STAT1: variants seen among roughly 807,000 people sequenced by gnomAD.
STAT1 encodes the protein signal transducer and activator of transcription 1-alpha/beta.
A neutral mutation model predicts 111.7 loss-of-function variants in STAT1; 24 were observed. That is an observed-to-expected ratio of 0.21 (90% CI 0.16 to 0.30). STAT1 has a LOEUF of 0.30. Ranked by LOEUF, STAT1 falls within the 10% of genes least tolerant of loss-of-function variation. The pLI, the probability that STAT1 is intolerant of heterozygous loss-of-function variation, is 1.00. For missense variants in STAT1, 351 were observed against 911.9 expected (o/e 0.38, Z 7.92); for synonymous variants, 332 against 326.5 (o/e 1.02, Z -0.18).
At position 190,981,200 on chromosome 2, in the gene STAT1, GC is replaced by G. The variant is rs1479181375; in HGVS notation, c.1583-532del. 1.3e-5 allele frequency among the ~76,000 whole-genome samples: 2 copies of G among 152,098 alleles called. No homozygotes were observed. Among genetic ancestry groups the G allele is most frequent in the Non-Finnish European group, 2.9e-5 (2 of 68,034 alleles). ...CTGCCTTCCTCTGCTGCTCAGCAGA[GC>G]CCCCTCTCCCAAGGATCCTACAGAA... On this transcript the variant is annotated intron_variant, in intron 18 of 24. Transcript: ENST00000361099. This position sits in a 1 kb window ranked among gnomAD's most constrained non-coding sequence, Gnocchi z 4.1.
chr2:190,993,305 A>G lies in STAT1; in HGVS notation c.944+1756T>C, dbSNP rs1693535485. 2 of 684,724 alleles carry G rather than the reference A, an allele frequency of 2.9e-6. No homozygotes were observed. Among genetic ancestry groups the G allele is most frequent in the Admixed American group, 4.2e-5 (2 of 47,880 alleles). The allele number at this position is 684,724 out of a possible 1,614,324, so 42.4% of individuals were successfully genotyped here. ...CTGATCTGTCACATCATACACCACTAGGATGCCATTGGCTCCTCTGTAATA... is the reference window on the plus strand; with the variant it reads ...CTGATCTGTCACATCATACACCACTGGGATGCCATTGGCTCCTCTGTAATA... On this transcript the variant is annotated intron_variant, in intron 10 of 24. Transcript: ENST00000361099. The surrounding 1 kb of genome is among the most constrained non-coding windows in gnomAD (Gnocchi z 4.1).
In STAT1 at chr2:190,976,940, G is replaced by A; in HGVS notation, c.1959C>T (p.Val653=). The A allele has an allele frequency of 6.2e-7, 1 of 1,614,148 alleles. No individual in the cohort carries two copies. Among genetic ancestry groups the A allele is most frequent in the Non-Finnish European group, 8.5e-7 (1 of 1,179,986 alleles). Residue 653 remains valine (V), a synonymous_variant, in exon 22 of 25, where the codon GTC becomes GTT. Transcript: ENST00000361099. The surrounding 1 kb of genome is among the most constrained non-coding windows in gnomAD (Gnocchi z 6.0). Reference sequence around the variant, plus strand: ...TCTCAGGAATATTCTCAGCAGCCATGACTTTGTAATTGCGAATGATGTCAG... The same window carrying A: ...TCTCAGGAATATTCTCAGCAGCCATAACTTTGTAATTGCGAATGATGTCAG... The part of the protein sequence containing the change: ...TFPDIIRNYK[V]MAAENIPENP...
Position 190,987,171 on chromosome 2 carries a change from G to A in STAT1, c.1098-103C>T, listed in dbSNP as rs2066795. 0.14 allele frequency: 122,920 copies of A among 887,266 alleles called. 10,036 individuals are homozygous for A. Among genetic ancestry groups the A allele is most frequent in the African/African-American group, 0.29 (16,796 of 58,924 alleles). The allele number at this position is 887,266 out of a possible 1,614,324, so 55.0% of individuals were successfully genotyped here. On this transcript the variant is annotated intron_variant, in intron 12 of 24. Coordinates refer to ENST00000361099, the MANE Select transcript of STAT1 (RefSeq NM_007315.4). The surrounding 1 kb of genome is among the most constrained non-coding windows in gnomAD (Gnocchi z 4.0). ...GAGCATAAGAGTGTAAGTGAATGAT[G>A]AATAAAAAATAAATCTACACCTATG...
At chr2:191,001,452 C>T (rs539908885) in intron 5 of STAT1, among the ~76,000 whole-genome samples, 10 of 152,164 alleles carry the variant, frequency 6.6e-5, no homozygotes, top group African/African-American at 1.7e-4. Flanking sequence ...ATTTAGTTCA[C>T]GGTTTCTCAG....
Position 190,990,412 on chromosome 2 carries a change from T to G in STAT1, c.1038-738A>C, listed in dbSNP as rs1334949911. Among the ~76,000 whole-genome samples the G allele has an allele frequency of 2.6e-5, 4 of 152,208 alleles. No individual in the cohort carries two copies. Among genetic ancestry groups the G allele is most frequent in the Admixed American group, 2.6e-4 (4 of 15,280 alleles). ...GACCCGGGCCAACTATGAAGGCCAGTCCAGTTCTTCAGCGTCTAGCTACTC... is the reference window on the plus strand; with the variant it reads ...GACCCGGGCCAACTATGAAGGCCAGGCCAGTTCTTCAGCGTCTAGCTACTC... On this transcript the variant is annotated intron_variant, in intron 11 of 24. Transcript: ENST00000361099. The surrounding 1 kb of genome is among the most constrained non-coding windows in gnomAD (Gnocchi z 5.1).
rs371013020 is a variant in STAT1 at position 190,995,013 on chromosome 2, C to T, written c.944+48G>A. 4.6e-5 allele frequency: 73 copies of T among 1,582,116 alleles called. No individual in the cohort carries two copies. The highest frequency in any genetic ancestry group is 1.0e-4 in the Admixed American group (6 of 59,604). On this transcript the variant is annotated intron_variant, in intron 10 of 24. Transcript: ENST00000361099. This position sits in a 1 kb window ranked among gnomAD's most constrained non-coding sequence, Gnocchi z 4.2. The stretch of plus-strand genomic sequence containing the variant: ...TCTGAATTAACGGTAAAATGTTCCT[C>T]TGTATAGACCGATTACAGAAGGTAC...
intron 5 of STAT1, among the ~76,000 whole-genome samples, chr2:191,005,143 G>C (rs1337316628): frequency 6.6e-6 from 1 of 152,146 alleles, no homozygotes; most frequent in Non-Finnish European, 1.5e-5. Flanking sequence ...AACTAACTCG[G>C]AATTTTGCAT....
At chr2:190,994,939 T>TAA (rs1693728426) in intron 10 of STAT1, 122 bp downstream of exon 10, 2 of 189,190 alleles carry the variant, frequency 1.1e-5, no homozygotes, top group African/African-American at 6.6e-5. Context: ...TATATATATA[T>TAA]ATATATATAT....
chr2:191,008,072 T>A (rs1694840483), intron 4 of STAT1: 1 of 440,994 alleles, frequency 2.3e-6, no homozygotes, highest in South Asian at 1.6e-5. Flanking sequence ...AAGATATTCA[T>A]CTAGGGTTTT....
At chr2:190,992,755 T>A in intron 10 of STAT1, 2 of 794,832 alleles carry the variant, frequency 2.5e-6, no homozygotes, top group Non-Finnish European at 3.7e-6. Flanking sequence ...TCAGCTGCCA[T>A]CATCATGGAA....
Position 190,987,026 on chromosome 2 carries a change from G to A in STAT1, c.1127+13C>T, listed in dbSNP as rs1379860360. 2 of 1,611,148 alleles carry A rather than the reference G, an allele frequency of 1.2e-6. No individual in the cohort carries two copies. The highest frequency in any genetic ancestry group is 1.7e-6 in the Non-Finnish European group (2 of 1,177,592). Reference sequence around the variant, plus strand: ...AAAATATAGCACAGTATAGCGTAAAGTACGTCACGTACCCTTTTACTGTAT... The same window carrying A: ...AAAATATAGCACAGTATAGCGTAAAATACGTCACGTACCCTTTTACTGTAT... On this transcript the variant is annotated intron_variant, in intron 13 of 24. Transcript: ENST00000361099. This position sits in a 1 kb window ranked among gnomAD's most constrained non-coding sequence, Gnocchi z 4.0.
In STAT1 at chr2:190,984,238, A is replaced by G; in HGVS notation, c.1347+72T>C. On this transcript the variant is annotated intron_variant, in intron 16 of 24. Transcript: ENST00000361099. The surrounding 1 kb of genome is among the most constrained non-coding windows in gnomAD (Gnocchi z 5.2). Reference sequence around the variant, plus strand: ...AAATACCTCCAGAACAAACACTGAGAAATAAAAATACATGTAACAATTAAA... The same window carrying G: ...AAATACCTCCAGAACAAACACTGAGGAATAAAAATACATGTAACAATTAAA... 7.9e-7 allele frequency: 1 copy of G among 1,258,866 alleles called. No homozygotes were observed. The highest frequency in any genetic ancestry group is 1.2e-6 in the Non-Finnish European group (1 of 863,938). 78.0% of individuals were successfully genotyped at this position (1,258,866 alleles called of 1,614,324 possible). A position where few individuals can be genotyped will look rare whatever the true frequency, so the allele number is the denominator to read the frequency against.
chr2:191,000,870 A>C lies in STAT1; in HGVS notation c.462+204T>G, dbSNP rs1694215596. Among the ~76,000 whole-genome samples the C allele has an allele frequency of 6.6e-6, 1 of 152,216 alleles. No homozygotes were observed. Reference sequence around the variant, plus strand: ...GAAAAAGCTAAACTCAATGTTTGGCAGTTATAAGAGGCCATTCAAAAAGTC... The same window carrying C: ...GAAAAAGCTAAACTCAATGTTTGGCCGTTATAAGAGGCCATTCAAAAAGTC... On this transcript the variant is annotated intron_variant, in intron 6 of 24. Coordinates refer to ENST00000361099, the MANE Select transcript of STAT1 (RefSeq NM_007315.4). This position sits in a 1 kb window ranked among gnomAD's most constrained non-coding sequence, Gnocchi z 4.8.
chr2:190,992,558 A>C, intron 10 of STAT1: 1 of 391,590 alleles, frequency 2.6e-6, no homozygotes, highest in Non-Finnish European at 4.2e-6. Flanking sequence ...AGCTACATAC[A>C]GTACAATTCA....
In STAT1 at chr2:190,990,554, G is replaced by A. The variant is rs1029287367; in HGVS notation, c.1037+674C>T. Among the ~76,000 whole-genome samples, 2 of 152,166 alleles carry A rather than the reference G, an allele frequency of 1.3e-5. No individual in the cohort carries two copies. The highest frequency in any genetic ancestry group is 2.9e-5 in the Non-Finnish European group (2 of 68,012). On this transcript the variant is annotated intron_variant, in intron 11 of 24. Coordinates refer to ENST00000361099, the MANE Select transcript of STAT1 (RefSeq NM_007315.4). The surrounding 1 kb of genome is among the most constrained non-coding windows in gnomAD (Gnocchi z 5.1). Reference sequence around the variant, plus strand: ...GGAGAAAGACTACAAAACAATGTATGTAGCCTACTCCGAGTTTTTAAAAAA... The same window carrying A: ...GGAGAAAGACTACAAAACAATGTATATAGCCTACTCCGAGTTTTTAAAAAA...
chr2:190,992,796 T>TC, intron 10 of STAT1: 1 of 455,668 alleles, frequency 2.2e-6, no homozygotes, highest in East Asian at 4.9e-5. Context: ...ATTCTTTCTT[T>TC]TTTTTTTTTT....
intron 10 of STAT1, 26 bp from the exon 11 acceptor site, chr2:190,991,346 T>A (rs1389966020): frequency 6.2e-7 from 1 of 1,610,094 alleles, no homozygotes; most frequent in Non-Finnish European, 8.5e-7. Context: ...AAAGGATAGA[T>A]AAGTTAGCAT....
rs374652023 is a variant in STAT1, at chr2:190,995,253, G to C, written c.786-34C>G. 6.2e-7 allele frequency: 1 copy of C among 1,611,370 alleles called. No individual in the cohort carries two copies. The highest frequency in any genetic ancestry group is 8.5e-7 in the Non-Finnish European group (1 of 1,178,176). ...ACACAAGACACAGATGTCTCTATGA[G>C]AAACAGTCCAGAAGCAGCCTGGATT... On this transcript the variant is annotated intron_variant, in intron 9 of 24. Coordinates refer to ENST00000361099, the MANE Select transcript of STAT1 (RefSeq NM_007315.4). The surrounding 1 kb of genome is among the most constrained non-coding windows in gnomAD (Gnocchi z 4.2).
chr2:190,986,119 C>T lies in STAT1; in HGVS notation c.1222-459G>A, dbSNP rs41383548. Among the ~76,000 whole-genome samples, 8,128 of 152,268 alleles carry T rather than the reference C, an allele frequency of 0.053. 706 individuals are homozygous for T. The highest frequency in any genetic ancestry group is 0.18 in the African/African-American group (7,529 of 41,528). ...GAGCAGGCTGGGGCCCTGAGGGCGGCTCTGAATACCCTCAGGCACCTGAGT... is the reference window on the plus strand; with the variant it reads ...GAGCAGGCTGGGGCCCTGAGGGCGGTTCTGAATACCCTCAGGCACCTGAGT... On this transcript the variant is annotated intron_variant, in intron 14 of 24. Coordinates refer to ENST00000361099, the MANE Select transcript of STAT1 (RefSeq NM_007315.4). The surrounding 1 kb of genome is among the most constrained non-coding windows in gnomAD (Gnocchi z 5.0).
Sources: gnomAD v4.1 joint callset for allele counts (sites outside exome capture counted in the v4.1 genomes callset) on GRCh38, gnomAD v4.1.1 for gene constraint, Gnocchi (gnomAD v3.1) non-coding constraint, MANE v1.5 for transcripts, NCBI Gene and HGNC (gene_info 2026-07-23, HGNC 2026-07-21) for gene names.